The following MAP2 variants were observed in gnomAD, a reference collection of about 807,000 sequenced individuals.
MAP2 encodes microtubule associated protein 2, also known as microtubule-associated protein 2.
MAP2 carries 14 observed loss-of-function variants against 137.6 expected under a neutral mutation model. That is an observed-to-expected ratio of 0.10 (90% CI 0.07 to 0.16). The LOEUF is 0.16. Ranked by LOEUF, MAP2 falls within the 10% of genes least tolerant of loss-of-function variation. The pLI, the probability that MAP2 is intolerant of heterozygous loss-of-function variation, is 1.00. For synonymous variants in MAP2, 786 were observed against 782.3 expected (o/e 1.00, Z -0.08); for missense variants, 2,088 against 2,191.5 (o/e 0.95, Z 0.94).
intron 13 of MAP2, among the ~76,000 whole-genome samples, chr2:209,719,783 A>C (rs58779755): frequency 0.1 from 15,680 of 152,246 alleles, 955 homozygotes; most frequent in East Asian, 0.23. Context: ...AAAATAAAGC[A>C]ATTCTAATGA....
rs377596861 is a variant in MAP2, at chr2:209,730,440, G to T, written c.*43G>T. On this transcript the variant is annotated 3_prime_UTR_variant, in exon 16 of 16. Transcript: ENST00000682079. ...TTGAAATAATAATATTTAGGCATGA[G>T]CTCTTGGCAGGAGTGGGCTCTGAGC... 7.6e-6 allele frequency: 11 copies of T among 1,454,730 alleles called. No homozygotes were observed. The highest frequency in any genetic ancestry group is 1.1e-5 in the Non-Finnish European group (11 of 1,045,422). 90.1% of individuals were successfully genotyped at this position (1,454,730 alleles called of 1,614,324 possible).
chr2:209,583,240 C>G (rs1033941758), intron 3 of MAP2, among the ~76,000 whole-genome samples: 4 of 151,696 alleles, frequency 2.6e-5, no homozygotes, highest in African/African-American at 7.3e-5. Flanking sequence ...TCCTCAAATA[C>G]TTAACTAATA....
chr2:209,467,389 A>T (rs1339297977), intron 1 of MAP2, among the ~76,000 whole-genome samples: 1 of 152,172 alleles, frequency 6.6e-6, no homozygotes, highest in Non-Finnish European at 1.5e-5. Context: ...TTCTTAAAAA[A>T]ATAAATTTCA....
chr2:209,564,843 T>C (rs1359026089), intron 2 of MAP2, among the ~76,000 whole-genome samples: 2 of 152,210 alleles, frequency 1.3e-5, no homozygotes, highest in Admixed American at 1.3e-4. Flanking sequence ...TCCATTCTCC[T>C]GCCCCCACAT....
intron 2 of MAP2, among the ~76,000 whole-genome samples, chr2:209,525,274 G>T (rs1012116727): frequency 2.6e-5 from 4 of 151,994 alleles, no homozygotes; most frequent in Non-Finnish European, 5.9e-5. Context: ...TTCTAAATTT[G>T]TTTTTAATAT....
Position 209,434,852 on chromosome 2 carries a change from A to C in MAP2, c.-222+10576A>C, listed in dbSNP as rs958830912. Among the ~76,000 whole-genome samples, 439 of 95,300 alleles carry C rather than the reference A, an allele frequency of 4.6e-3. 20 individuals are homozygous for C. The highest frequency in any genetic ancestry group is 0.03 in the African/African-American group (386 of 12,750). 62.5% of individuals were successfully genotyped at this position (95,300 alleles called of 152,430 possible). On this transcript the variant is annotated intron_variant, in intron 1 of 15. Transcript: ENST00000682079. The stretch of plus-strand genomic sequence containing the variant: ...CTCTCTCTATATATATATATATGTT[A>C]TATATATATGTTATATATATGTTAT...
At chr2:209,624,089 T>C (rs1200459555) in intron 3 of MAP2, among the ~76,000 whole-genome samples, 3 of 152,178 alleles carry the variant, frequency 2.0e-5, no homozygotes, top group Non-Finnish European at 2.9e-5. Flanking sequence ...TAGAGGTTCA[T>C]ACAGAAGAAT....
At chr2:209,725,009 C>A (rs1435262958) in intron 13 of MAP2, among the ~76,000 whole-genome samples, 1 of 152,276 alleles carries the variant, frequency 6.6e-6, no homozygotes, top group East Asian at 1.9e-4. Context: ...AGGAAAGAAT[C>A]CCTTGTTTAA....
intron 2 of MAP2, among the ~76,000 whole-genome samples, chr2:209,508,485 A>C (rs1029788147): frequency 1.3e-5 from 2 of 151,934 alleles, no homozygotes; most frequent in Admixed American, 6.6e-5. Flanking sequence ...AGTGTCTGTC[A>C]TATAACAGGC....
intron 2 of MAP2, among the ~76,000 whole-genome samples, chr2:209,565,010 C>G (rs879758797): frequency 5.9e-5 from 9 of 152,130 alleles, no homozygotes; most frequent in Non-Finnish European, 1.3e-4. Context: ...CCTCAGTTGT[C>G]TTGACTCCCA....
At chr2:209,621,045 C>T (rs553670473) in intron 3 of MAP2, among the ~76,000 whole-genome samples, 53 of 151,654 alleles carry the variant, frequency 3.5e-4, no homozygotes, top group Non-Finnish European at 3.7e-4. Flanking sequence ...AAATACAAAA[C>T]TTAGCTGGGC....
intron 5 of MAP2, among the ~76,000 whole-genome samples, chr2:209,660,616 C>G (rs1164682712): frequency 6.7e-6 from 1 of 148,254 alleles, no homozygotes; most frequent in East Asian, 2.0e-4. Flanking sequence ...AGGATGGTCT[C>G]TATCTCCTGA....
intron 1 of MAP2, among the ~76,000 whole-genome samples, chr2:209,472,963 A>G (rs573477895): frequency 2.0e-5 from 3 of 152,270 alleles, no homozygotes; most frequent in South Asian, 2.1e-4. Context: ...TTATGTATAT[A>G]TTTATTGGTT....
chr2:209,460,568 T>C (rs1281126801), intron 1 of MAP2, among the ~76,000 whole-genome samples: 1 of 151,722 alleles, frequency 6.6e-6, no homozygotes, highest in Non-Finnish European at 1.5e-5. Flanking sequence ...CTTCCTTCCC[T>C]TCTCTTTCCC....
At chr2:209,645,197 A>G (rs2094336095) in intron 4 of MAP2, among the ~76,000 whole-genome samples, 1 of 152,218 alleles carries the variant, frequency 6.6e-6, no homozygotes, top group African/African-American at 2.4e-5. Flanking sequence ...TTCCATGTGC[A>G]ATATTCAGGC....
At position 209,674,621 on chromosome 2, in the gene MAP2, AGATG is replaced by A. The variant is rs58681596; in HGVS notation, c.263-3914_263-3911del. On this transcript the variant is annotated intron_variant, in intron 5 of 15. Transcript: ENST00000682079. The stretch of plus-strand genomic sequence containing the variant: ...TCAGTAATCCCCTAAATATATAGAT[AGATG>A]GATGGATGGATGGATGGATGGATGG... 6.1e-3 allele frequency among the ~76,000 whole-genome samples: 921 copies of A among 150,700 alleles called. 5 individuals are homozygous for A. The highest frequency in any genetic ancestry group is 0.014 in the Middle Eastern group (4 of 292).
At chr2:209,677,962 CATAA>C (rs754095026) in intron 5 of MAP2, among the ~76,000 whole-genome samples, 3 of 151,770 alleles carry the variant, frequency 2.0e-5, no homozygotes, top group Non-Finnish European at 4.4e-5. Flanking sequence ...GCTATTTAAC[CATAA>C]ATAGATTTTC....
intron 2 of MAP2, among the ~76,000 whole-genome samples, chr2:209,564,738 C>T (rs1025539570): frequency 6.6e-6 from 1 of 151,966 alleles, no homozygotes; most frequent in Non-Finnish European, 1.5e-5. Flanking sequence ...TCTCATAATC[C>T]TCACTTCTTT....
chr2:209,467,924 C>T (rs1704559213), intron 1 of MAP2, among the ~76,000 whole-genome samples: 1 of 152,116 alleles, frequency 6.6e-6, no homozygotes, highest in African/African-American at 2.4e-5. Flanking sequence ...CAATGCCTAG[C>T]TCATATGAAG....
Sources: gnomAD v4.1 joint callset for allele counts (sites outside exome capture counted in the v4.1 genomes callset) on GRCh38, gnomAD v4.1.1 for gene constraint, MANE v1.5 for transcripts, NCBI Gene and HGNC (gene_info 2026-07-23, HGNC 2026-07-21) for gene names.